The following ABCC11 variants were observed in gnomAD, a reference collection of about 807,000 sequenced individuals.
ABCC11 encodes ATP-binding cassette sub-family C member 11.
A neutral mutation model predicts 149.3 loss-of-function variants in ABCC11; 135 were observed. The ratio of observed to expected loss-of-function variants is 0.90; its 90% CI spans 0.79 to 1.04. ABCC11 has a LOEUF of 1.04. ABCC11 is among the 50% of genes least tolerant of loss of function. The pLI, the probability that ABCC11 is intolerant of heterozygous loss-of-function variation, is 0.00. For synonymous variants in ABCC11, 665 were observed against 671.4 expected (o/e 0.99, Z 0.15); for missense variants, 1,680 against 1,722.1 (o/e 0.98, Z 0.43).
At chr16:48,242,531 C>G (rs1339184535) in intron 1 of ABCC11, among the ~76,000 whole-genome samples, 2 of 152,164 alleles carry the variant, frequency 1.3e-5, no homozygotes, top group African/African-American at 4.8e-5. Context: ...TTTGACCCAG[C>G]CATCCCATTG....
rs1966228279 is a variant in ABCC11, at chr16:48,178,495, G to T, written c.3348+102C>A. 4.6e-6 allele frequency: 5 copies of T among 1,089,116 alleles called. No individual in the cohort carries two copies. The Admixed American group carries it at 6.5e-5, about 14-fold the overall frequency. 67.5% of individuals were successfully genotyped at this position (1,089,116 alleles called of 1,614,324 possible). ...AAGGCCAGGAGCCTGGTGTTTCCTG[G>T]GATGGTCTCAGGGCTCTGAGGCCAG... is the stretch of plus-strand genomic sequence containing the variant. On this transcript the variant is annotated intron_variant, in intron 24 of 29. Coordinates refer to ENST00000356608, the MANE Select transcript of ABCC11 (RefSeq NM_001370497.1).
chr16:48,235,533 G>A (rs995224373), intron 1 of ABCC11, among the ~76,000 whole-genome samples: 9 of 152,214 alleles, frequency 5.9e-5, no homozygotes, highest in Admixed American at 1.3e-4. Context: ...AAGCAAACGA[G>A]CTCGAGCTCA....
chr16:48,244,105 A>G (rs952382707), intron 1 of ABCC11: 5 of 356,796 alleles, frequency 1.4e-5, no homozygotes, highest in Admixed American at 4.7e-5. Flanking sequence ...AGTATATACA[A>G]TTCAAATAAG....
chr16:48,230,080 A>C (rs986186087), intron 3 of ABCC11, among the ~76,000 whole-genome samples: 1 of 152,154 alleles, frequency 6.6e-6, no homozygotes, highest in Non-Finnish European at 1.5e-5. Context: ...ACTTCTTCAC[A>C]GCACCTTCCT....
chr16:48,206,455 C>T (rs1244581458), intron 12 of ABCC11, among the ~76,000 whole-genome samples: 3 of 152,182 alleles, frequency 2.0e-5, no homozygotes, highest in Admixed American at 6.5e-5. Flanking sequence ...TTCAAAACAA[C>T]ACGTTAAAAA....
At chr16:48,191,076 C>G (rs775814296) in intron 20 of ABCC11, among the ~76,000 whole-genome samples, 1 of 152,134 alleles carries the variant, frequency 6.6e-6, no homozygotes, top group East Asian at 1.9e-4. Context: ...TATTCTGTAC[C>G]ATGGATACAT....
intron 26 of ABCC11, among the ~76,000 whole-genome samples, chr16:48,171,649 C>T (rs1322294739): frequency 6.6e-6 from 1 of 152,156 alleles, no homozygotes; most frequent in Non-Finnish European, 1.5e-5. Flanking sequence ...GTAACCATTA[C>T]CACTATTTAT....
rs1169897041 is a variant in ABCC11 at position 48,211,265 on chromosome 16, C to T, written c.1357-66G>A. The T allele has an allele frequency of 2.6e-6, 4 of 1,554,074 alleles. No individual in the cohort carries two copies. The African/African-American group carries it at 5.5e-5, about 21-fold the overall frequency. ...TCTTTAGTTCAGCAGGAATGTGTTC[C>T]CAGTTTTACAAGTCTGCCAGTTGGT... On this transcript the variant is annotated intron_variant, in intron 10 of 29. Transcript: ENST00000356608.
chr16:48,213,982 C>A (rs1420006998), intron 9 of ABCC11, among the ~76,000 whole-genome samples: 1 of 152,146 alleles, frequency 6.6e-6, no homozygotes, highest in Non-Finnish European at 1.5e-5. Flanking sequence ...TGTTTGTTTT[C>A]TTTCTAACAT....
chr16:48,208,427 C>T lies in ABCC11; in HGVS notation c.1678G>A (p.Glu560Lys). The change falls in exon 12 of 30, where the codon GAG (glutamate) becomes AAG (lysine). Residue 560 changes from glutamate (E) to lysine (K), a missense_variant and splice_region_variant. Glu to Lys is a moderately conservative substitution (Grantham distance 56). Transcript: ENST00000356608. ...KSSLLSAILE[E>K]MHLLEGSVGV... ...GCATGTGGCCACAGATCACTTACCT[C>T]CTCCAGGATGGCTGACAACAGGCTG... 1 of 1,614,170 alleles carries T rather than the reference C, an allele frequency of 6.2e-7. No homozygotes were observed. Among genetic ancestry groups the T allele is most frequent in the Non-Finnish European group, 8.5e-7 (1 of 1,180,028 alleles).
At chr16:48,184,341 G>A in intron 23 of ABCC11, 99 bp downstream of exon 23, 2 of 1,401,112 alleles carry the variant, frequency 1.4e-6, no homozygotes, top group Middle Eastern at 2.6e-4. Flanking sequence ...AGAGCCTAAG[G>A]TGTCATTGAA....
In ABCC11 at chr16:48,211,188, G is replaced by T; in HGVS notation, c.1368C>A (p.Leu456=). Residue 456 remains leucine (L), a synonymous_variant, in exon 11 of 30, where the codon CTC becomes CTA. Transcript: ENST00000356608. ...SAVMRFKKFF[L]QESPVFYVQT... ...GGACATAGAAAACAGGGCTCTCCTG[G>T]AGGAAAAACTTCTGTAAAGACAGAA... The T allele has an allele frequency of 6.2e-7, 1 of 1,613,934 alleles. No individual in the cohort carries two copies. Among genetic ancestry groups the T allele is most frequent in the East Asian group, 2.2e-5 (1 of 44,888 alleles).
At chr16:48,233,066 T>A (rs1163457997) in intron 1 of ABCC11, among the ~76,000 whole-genome samples, 1 of 152,070 alleles carries the variant, frequency 6.6e-6, no homozygotes, top group Non-Finnish European at 1.5e-5. Flanking sequence ...CTAGACGTAG[T>A]GGTGCACGCT....
Position 48,211,035 on chromosome 16 carries a change from C to T in ABCC11, c.1521G>A (p.Met507Ile), listed in dbSNP as rs767710531. ...LERNGHASEG[M>I]TRPRDALGPE... ...GCCCGAGGGCATCTCTAGGCCTGGT[C>T]ATCCCCTCAGAAGCATGCCCGTTCC... The change falls in exon 11 of 30, where the codon ATG becomes ATA. Residue 507 changes from methionine (M) to isoleucine (I), a missense_variant. Physicochemically the swap from Met to Ile is conservative, Grantham distance 10. Transcript: ENST00000356608. 4 of 1,614,198 alleles carry T rather than the reference C, an allele frequency of 2.5e-6. No homozygotes were observed. Among genetic ancestry groups the T allele is most frequent in the Non-Finnish European group, 2.5e-6 (3 of 1,180,030 alleles).
rs535746029 is a variant in ABCC11 at position 48,170,944 on chromosome 16, C to T, written c.3722G>A (p.Arg1241His). 3.8e-5 allele frequency: 61 copies of T among 1,613,656 alleles called. No homozygotes were observed. The highest frequency in any genetic ancestry group is 1.2e-4 in the Admixed American group (7 of 60,008). ...ATCCCAGATCTGCTGGTCAGTGTGA[C>T]GGTCAAAGGGATCTAGGTTGAATCT... ...TIRFNLDPFD[R>H]HTDQQIWDAL... Residue 1241 changes from arginine to histidine, a missense_variant, in exon 27 of 30, where the codon CGT becomes CAT. Arg to His is a conservative substitution (Grantham distance 29). Coordinates refer to ENST00000356608, the MANE Select transcript of ABCC11 (RefSeq NM_001370497.1).
chr16:48,184,743 G>T, intron 22 of ABCC11, 117 bp from the exon 23 acceptor site: 2 of 1,082,830 alleles, frequency 1.8e-6, no homozygotes, highest in Non-Finnish European at 2.6e-6. Context: ...CAGCAGCAGG[G>T]CCTGATTTTT....
At chr16:48,199,833 T>G (rs1967785918) in intron 15 of ABCC11, among the ~76,000 whole-genome samples, 1 of 151,694 alleles carries the variant, frequency 6.6e-6, no homozygotes, top group Non-Finnish European at 1.5e-5. Context: ...CCACAACACC[T>G]GGCTAATTTT....
intron 26 of ABCC11, among the ~76,000 whole-genome samples, chr16:48,174,902 TCATAGTGTACTACAGC>T (rs1236376719): frequency 6.6e-6 from 1 of 152,206 alleles, no homozygotes; most frequent in Non-Finnish European, 1.5e-5. Flanking sequence ...ACAGGCACAG[TCATAGTGTACTACAGC>T]CCTGAGCTCC....
At chr16:48,185,028 G>C (rs1966673187) in intron 22 of ABCC11, among the ~76,000 whole-genome samples, 2 of 152,168 alleles carry the variant, frequency 1.3e-5, no homozygotes, top group South Asian at 4.1e-4. Flanking sequence ...ACTAGGAGGG[G>C]AGCCTGGAGC....
Sources: allele counts gnomAD v4.1 joint callset (sites outside exome capture counted in the v4.1 genomes callset), GRCh38; gene constraint gnomAD v4.1.1; transcripts MANE v1.5; gene names NCBI Gene and HGNC (gene_info 2026-07-23, HGNC 2026-07-21).